DLG2: variants seen among roughly 807,000 people sequenced by gnomAD.
The protein encoded by DLG2 is disks large homolog 2.
In DLG2, 45 loss-of-function variants were observed where a neutral mutation model predicts 132.5. The ratio of observed to expected loss-of-function variants is 0.34; its 90% CI spans 0.27 to 0.44. The LOEUF is 0.44. Among genes scored for constraint, DLG2 ranks in the 20% least tolerant of loss-of-function variants. DLG2 has a pLI of 1.00. For synonymous variants in DLG2, 424 were observed against 419.6 expected, an observed-to-expected ratio of 1.01 and a Z score of -0.13; for missense variants, 1,045 against 1,196.9, an observed-to-expected ratio of 0.87 and a Z score of 1.87.
chr11:83,572,527 A>G (rs2096813979), intron 19 of DLG2, among the ~76,000 whole-genome samples: 1 of 152,240 alleles, frequency 6.6e-6, no homozygotes, highest in African/African-American at 2.4e-5. Flanking sequence ...ACAGACAGGT[A>G]GCAGACCTAT....
At chr11:84,905,879 G>T (rs2154073860) in intron 6 of DLG2, among the ~76,000 whole-genome samples, 1 of 152,224 alleles carries the variant, frequency 6.6e-6, no homozygotes, top group Non-Finnish European at 1.5e-5. Context: ...TTTGTTGATT[G>T]CATACACATG....
intron 4 of DLG2, among the ~76,000 whole-genome samples, chr11:85,215,009 C>T (rs148197009): frequency 1.0e-3 from 154 of 152,224 alleles, no homozygotes; most frequent in Non-Finnish European, 1.8e-3. Flanking sequence ...TGTATTCTGA[C>T]GAACCTATCA....
At chr11:83,851,691 G>A (rs1281931463) in intron 16 of DLG2, among the ~76,000 whole-genome samples, 2 of 151,312 alleles carry the variant, frequency 1.3e-5, no homozygotes, top group Non-Finnish European at 2.9e-5. Flanking sequence ...GGAGGTCAAG[G>A]TGGGTGGATC....
chr11:84,686,190 C>T (rs1352387014), intron 6 of DLG2, among the ~76,000 whole-genome samples: 1 of 152,212 alleles, frequency 6.6e-6, no homozygotes, highest in East Asian at 1.9e-4. Context: ...GCTCTGCCTG[C>T]TTGCCTAAGG....
intron 18 of DLG2, among the ~76,000 whole-genome samples, chr11:83,638,748 G>A (rs1190810517): frequency 1.3e-5 from 2 of 152,020 alleles, no homozygotes; most frequent in Non-Finnish European, 1.5e-5. Context: ...AACCACTCAG[G>A]GTACTCTCAT....
intron 3 of DLG2, among the ~76,000 whole-genome samples, chr11:85,487,531 C>A (rs1163685813): frequency 2.0e-5 from 3 of 146,672 alleles, no homozygotes; most frequent in South Asian, 2.2e-4. Context: ...GGAGAAAATA[C>A]AAAATAAACT....
chr11:84,607,125 C>T (rs1357910166), intron 6 of DLG2, among the ~76,000 whole-genome samples: 1 of 152,062 alleles, frequency 6.6e-6, no homozygotes, highest in African/African-American at 2.4e-5. Context: ...TAAGTATCTT[C>T]AGATGAGCCC....
At chr11:85,431,160 G>A (rs2091156350) in intron 3 of DLG2, among the ~76,000 whole-genome samples, 1 of 152,114 alleles carries the variant, frequency 6.6e-6, no homozygotes, top group Non-Finnish European at 1.5e-5. Flanking sequence ...TTCAGATCCT[G>A]CAAAACGAGT....
intron 3 of DLG2, among the ~76,000 whole-genome samples, chr11:85,399,509 CACGCTA>C (rs1393501749): frequency 6.6e-6 from 1 of 152,198 alleles, no homozygotes; most frequent in Admixed American, 6.6e-5. Flanking sequence ...CTGGAGGCAT[CACGCTA>C]CCTGACTTCA....
chr11:83,578,332 C>A (rs904060598), intron 19 of DLG2, among the ~76,000 whole-genome samples: 1 of 151,614 alleles, frequency 6.6e-6, no homozygotes, highest in African/African-American at 2.4e-5. Context: ...ATCCAGTAAA[C>A]CTCCAAACAG....
chr11:83,952,897 T>C (rs1459048539), intron 14 of DLG2, among the ~76,000 whole-genome samples: 3 of 151,644 alleles, frequency 2.0e-5, no homozygotes, highest in African/African-American at 7.3e-5. Flanking sequence ...AAAATGAAAT[T>C]AGACAAAAAT....
intron 6 of DLG2, among the ~76,000 whole-genome samples, chr11:84,711,013 T>G (rs1040292187): frequency 3.0e-4 from 26 of 85,842 alleles, no homozygotes; most frequent in African/African-American, 9.3e-4. Context: ...TATATAGATA[T>G]ATATATATAT....
intron 3 of DLG2, among the ~76,000 whole-genome samples, chr11:85,324,707 A>G (rs2152831186): frequency 6.6e-6 from 1 of 152,316 alleles, no homozygotes; most frequent in East Asian, 1.9e-4. Flanking sequence ...CAAAAGAAAT[A>G]ATTTTTAGGT....
At chr11:84,712,653 A>T (rs11234137) in intron 6 of DLG2, among the ~76,000 whole-genome samples, 1 of 151,824 alleles carries the variant, frequency 6.6e-6, no homozygotes. Context: ...TATGTAAAGT[A>T]GTTTAATAAA....
At chr11:84,672,085 C>T (rs888135746) in intron 6 of DLG2, among the ~76,000 whole-genome samples, 1 of 152,124 alleles carries the variant, frequency 6.6e-6, no homozygotes, top group Non-Finnish European at 1.5e-5. Flanking sequence ...CTAGACCTGG[C>T]TCCAAATGTT....
At chr11:85,440,320 T>A (rs1262502226) in intron 3 of DLG2, among the ~76,000 whole-genome samples, 1 of 152,228 alleles carries the variant, frequency 6.6e-6, no homozygotes, top group African/African-American at 2.4e-5. Context: ...AGAACTATGA[T>A]AAAGATTAAA....
At chr11:84,292,870 C>G (rs952856744) in intron 7 of DLG2, among the ~76,000 whole-genome samples, 2 of 151,812 alleles carry the variant, frequency 1.3e-5, no homozygotes, top group African/African-American at 4.8e-5. Flanking sequence ...TTATCTTGGG[C>G]CACACATAAA....
intron 3 of DLG2, among the ~76,000 whole-genome samples, chr11:85,405,233 G>C (rs1438667815): frequency 6.6e-6 from 1 of 151,896 alleles, no homozygotes; most frequent in African/African-American, 2.4e-5. Flanking sequence ...GATTTGAATA[G>C]AATATTCAAC....
At chr11:83,907,092 A>T (rs968395159) in intron 15 of DLG2, among the ~76,000 whole-genome samples, 2 of 152,158 alleles carry the variant, frequency 1.3e-5, no homozygotes, top group Non-Finnish European at 2.9e-5. Context: ...GAAGTTGTCA[A>T]TGTGAAGACT....
Sources: allele counts gnomAD v4.1 joint callset (sites outside exome capture counted in the v4.1 genomes callset), GRCh38; gene constraint gnomAD v4.1.1; transcripts MANE v1.5; gene names NCBI Gene and HGNC (gene_info 2026-07-23, HGNC 2026-07-21).